SBF2: variants seen among roughly 807,000 people sequenced by gnomAD.
The protein encoded by SBF2 is myotubularin-related protein 13.
In SBF2, 112 loss-of-function variants were observed where a neutral mutation model predicts 225.2. The ratio of observed to expected loss-of-function variants is 0.50; its 90% CI spans 0.43 to 0.58. The LOEUF is 0.58. SBF2 is among the 20% of genes least tolerant of loss of function. SBF2 has a pLI of 0.00. For synonymous variants in SBF2, 763 were observed against 773.3 expected (o/e 0.99, Z 0.22); for missense variants, 1,996 against 2,206.2 (o/e 0.90, Z 1.91).
chr11:10,150,248 A>G (rs531027752), intron 2 of SBF2, among the ~76,000 whole-genome samples: 1 of 152,342 alleles, frequency 6.6e-6, no homozygotes, highest in South Asian at 2.1e-4. Flanking sequence ...ACTCTAGTAT[A>G]TAAAGTATAA....
At chr11:10,266,552 T>C (rs942370342) in intron 1 of SBF2, among the ~76,000 whole-genome samples, 8 of 152,076 alleles carry the variant, frequency 5.3e-5, no homozygotes, top group Admixed American at 4.6e-4. Flanking sequence ...CAAAGTGACA[T>C]AAACATTCCT....
chr11:9,830,585 C>CA (rs562253838), intron 27 of SBF2, among the ~76,000 whole-genome samples: 129 of 151,696 alleles, frequency 8.5e-4, no homozygotes, highest in Admixed American at 1.9e-3. Flanking sequence ...ACTAAAAATA[C>CA]AAAAATTAGC....
chr11:10,029,977 G>T, intron 4 of SBF2, 102 bp from the exon 5 acceptor site: 1 of 829,026 alleles, frequency 1.2e-6, no homozygotes, highest in Non-Finnish European at 2.1e-6. Context: ...ACCCAGTAAA[G>T]TATATTATAC....
rs1032796987 is a variant in SBF2 at position 9,993,091 on chromosome 11, G to A, written c.1066C>T (p.Arg356Ter). The A allele has an allele frequency of 5.0e-6, 8 of 1,608,542 alleles. No individual in the cohort carries two copies. Among genetic ancestry groups the A allele is most frequent in the East Asian group, 4.5e-5 (2 of 44,744 alleles). ...GCAAATAATCTAAGGAAAACGGCTC[G>A]CACCTCTTTATCCTAAAAATATAAG... ...SHSKMLDKEV[R>*]AVFLRLFAQL... The change falls in exon 11 of 40, where the codon CGA becomes TGA. Residue 356 changes from arginine to a stop codon, truncating the protein, a stop_gained. Coordinates refer to ENST00000256190, the MANE Select transcript of SBF2 (RefSeq NM_030962.4). LOFTEE classifies it high-confidence loss of function.
intron 25 of SBF2, among the ~76,000 whole-genome samples, chr11:9,840,298 C>T (rs1327216886): frequency 6.7e-6 from 1 of 149,616 alleles, no homozygotes; most frequent in Non-Finnish European, 1.5e-5. Flanking sequence ...AAGACTCTTA[C>T]ACCAAGACAG....
chr11:10,289,392 G>A (rs1964016424), intron 1 of SBF2, among the ~76,000 whole-genome samples: 1 of 152,144 alleles, frequency 6.6e-6, no homozygotes. Context: ...AGGAGGGCGG[G>A]GCTGCTGCCT....
chr11:9,839,006 G>A (rs1421120801), intron 26 of SBF2: 1 of 179,068 alleles, frequency 5.6e-6, no homozygotes, highest in Non-Finnish European at 1.2e-5. Flanking sequence ...ATTATAGCCT[G>A]TGGGCCAAAA....
At chr11:10,172,542 G>A (rs1041886285) in intron 2 of SBF2, among the ~76,000 whole-genome samples, 4 of 151,674 alleles carry the variant, frequency 2.6e-5, no homozygotes, top group Non-Finnish European at 4.4e-5. Flanking sequence ...TAGTAGAGAC[G>A]GGGTTTCACC....
At chr11:9,780,690 A>G (rs1279961296) in intron 39 of SBF2, 174 bp from the exon 40 acceptor site, 2 of 660,380 alleles carry the variant, frequency 3.0e-6, no homozygotes, top group African/African-American at 1.8e-5. Flanking sequence ...TGTGGTCTCT[A>G]GAGTCATAGG....
At chr11:9,882,625 G>T (rs942247585) in intron 17 of SBF2, among the ~76,000 whole-genome samples, 1 of 151,726 alleles carries the variant, frequency 6.6e-6, no homozygotes, top group Non-Finnish European at 1.5e-5. Flanking sequence ...TGGCTAACAC[G>T]GTGAAACCCC....
chr11:9,780,579 A>G (rs1851940884), intron 39 of SBF2, 63 bp from the exon 40 acceptor site: 4 of 1,383,306 alleles, frequency 2.9e-6, no homozygotes, highest in African/African-American at 1.4e-5. Context: ...GATTTGGGTA[A>G]GTGGTAAATC....
chr11:10,109,187 G>GTA (rs58064960), intron 2 of SBF2, among the ~76,000 whole-genome samples: 1,614 of 150,058 alleles, frequency 0.011, 16 homozygotes, highest in Middle Eastern at 0.024. Context: ...AGGTATGTGT[G>GTA]TATATATATA....
At position 10,031,089 on chromosome 11, in the gene SBF2, G is replaced by C. The variant is rs1359867664; in HGVS notation, c.361C>G (p.Leu121Val). The C allele has an allele frequency of 1.2e-6, 2 of 1,613,290 alleles. No homozygotes were observed. The highest frequency in any genetic ancestry group is 4.5e-5 in the East Asian group (2 of 44,760). ...TAATATAATCTGGATACCAACACCA[G>C]GCTTTTGGGAGCAAACACTTCTGCA... is the stretch of plus-strand genomic sequence containing the variant. ...QPAEVFAPKS[L>V]VLVSRLYYPE... The change falls in exon 4 of 40, where the codon CTG (leucine) becomes GTG (valine). Residue 121 changes from leucine (L) to valine (V), a missense_variant. Coordinates refer to ENST00000256190, the MANE Select transcript of SBF2 (RefSeq NM_030962.4).
At chr11:9,924,243 A>G (rs1408622451) in intron 16 of SBF2, among the ~76,000 whole-genome samples, 1 of 152,128 alleles carries the variant, frequency 6.6e-6, no homozygotes, top group Admixed American at 6.5e-5. Context: ...CAATCATTCT[A>G]TTTTCCACTT....
chr11:10,131,155 T>A (rs1418204928), intron 2 of SBF2, among the ~76,000 whole-genome samples: 1 of 152,178 alleles, frequency 6.6e-6, no homozygotes, highest in Admixed American at 6.5e-5. Context: ...CAGCAATGTG[T>A]GAGAGACTGT....
At position 9,903,738 on chromosome 11, in the gene SBF2, CT is replaced by C. The variant is rs1590386024; in HGVS notation, c.1861-7728del. 3.3e-5 allele frequency among the ~76,000 whole-genome samples: 5 copies of C among 152,314 alleles called. No homozygotes were observed. In the East Asian group the frequency reaches 9.6e-4, roughly 29 times the overall value. On this transcript the variant is annotated intron_variant, in intron 16 of 39. Transcript: ENST00000256190. ...ATGATTCTTCCCTTAGGCTGGGCTACTCATAAGTGCAGTGCCCTCCTTACAC... is the reference window on the plus strand; with the variant it reads ...ATGATTCTTCCCTTAGGCTGGGCTACCATAAGTGCAGTGCCCTCCTTACAC...
chr11:10,105,477 T>G (rs1464210541), intron 2 of SBF2, among the ~76,000 whole-genome samples: 1 of 152,210 alleles, frequency 6.6e-6, no homozygotes, highest in Non-Finnish European at 1.5e-5. Context: ...TCTTACTAAA[T>G]AGATTAAGTA....
chr11:10,096,636 C>T (rs1465815360), intron 2 of SBF2, among the ~76,000 whole-genome samples: 2 of 152,200 alleles, frequency 1.3e-5, no homozygotes, highest in South Asian at 4.1e-4. Context: ...TGCTCAAGGT[C>T]TGGAATAAAT....
At chr11:10,144,373 C>A (rs941587609) in intron 2 of SBF2, among the ~76,000 whole-genome samples, 1 of 151,918 alleles carries the variant, frequency 6.6e-6, no homozygotes, top group African/African-American at 2.4e-5. Flanking sequence ...CTGTAGTCCC[C>A]GCTACCTGGG....
Sources: gnomAD v4.1 joint callset for allele counts (sites outside exome capture counted in the v4.1 genomes callset) on GRCh38, gnomAD v4.1.1 for gene constraint, MANE v1.5 for transcripts, NCBI Gene and HGNC (gene_info 2026-07-23, HGNC 2026-07-21) for gene names.